SLA: variants seen among roughly 807,000 people sequenced by gnomAD.
SLA encodes the protein Src like adaptor.
A neutral mutation model predicts 30.3 loss-of-function variants in SLA; 16 were observed. The observed-to-expected ratio is 0.53, with a 90% CI of 0.36 to 0.80. SLA has a LOEUF of 0.80. Among genes scored for constraint, SLA ranks in the 30% least tolerant of loss-of-function variants. The probability of loss-of-function intolerance (pLI) is 0.01; values close to 1 mark genes in which losing one functional copy is unlikely to be tolerated. For missense variants in SLA, 310 were observed against 345.2 expected, an observed-to-expected ratio of 0.90 and a Z score of 0.81; for synonymous variants, 143 against 137.8, an observed-to-expected ratio of 1.04 and a Z score of -0.26.
intron 1 of SLA, among the ~76,000 whole-genome samples, chr8:133,077,499 G>A (rs915188577): frequency 1.3e-5 from 2 of 152,162 alleles, no homozygotes; most frequent in African/African-American, 4.8e-5. Context: ...AACTTAGTAG[G>A]TTTGAGAAAG....
intron 7 of SLA, among the ~76,000 whole-genome samples, chr8:133,041,025 A>G (rs1452555393): frequency 6.6e-6 from 1 of 152,186 alleles, no homozygotes; most frequent in Non-Finnish European, 1.5e-5. Flanking sequence ...GCTTCTCCCT[A>G]GCCCATGTTA....
intron 2 of SLA, among the ~76,000 whole-genome samples, chr8:133,060,696 A>G (rs1371983382): frequency 6.6e-6 from 1 of 152,220 alleles, no homozygotes; most frequent in Non-Finnish European, 1.5e-5. Context: ...TTAACAAAGG[A>G]TGAAAGAGGA....
At chr8:133,062,108 G>A (rs533509746) in intron 2 of SLA, among the ~76,000 whole-genome samples, 2 of 152,338 alleles carry the variant, frequency 1.3e-5, no homozygotes, top group South Asian at 2.1e-4. Context: ...AAAGTGAAGC[G>A]CAAATCCCAT....
intron 2 of SLA, among the ~76,000 whole-genome samples, chr8:133,063,154 A>G (rs953501943): frequency 6.6e-6 from 1 of 151,176 alleles, no homozygotes; most frequent in Non-Finnish European, 1.5e-5. Context: ...AACTGTCCCA[A>G]CAATGCCTTC....
At chr8:133,093,982 G>A (rs1464582675) in intron 1 of SLA, among the ~76,000 whole-genome samples, 2 of 152,122 alleles carry the variant, frequency 1.3e-5, no homozygotes, top group African/African-American at 2.4e-5. Flanking sequence ...GCAGTAGCAG[G>A]GGTAAGAGCA....
chr8:133,087,344 T>A (rs1846755276), intron 1 of SLA, among the ~76,000 whole-genome samples: 1 of 152,172 alleles, frequency 6.6e-6, no homozygotes, highest in African/African-American at 2.4e-5. Flanking sequence ...TTTTCTAGAG[T>A]ATGAAAAGGA....
chr8:133,083,202 T>G (rs1306772304), intron 1 of SLA, among the ~76,000 whole-genome samples: 1 of 152,228 alleles, frequency 6.6e-6, no homozygotes, highest in Non-Finnish European at 1.5e-5. Context: ...TATCATTATT[T>G]ATTATTGGTA....
At chr8:133,096,175 G>C (rs767266998) in intron 1 of SLA, 1 of 1,613,832 alleles carries the variant, frequency 6.2e-7, no homozygotes, top group Non-Finnish European at 8.5e-7. Context: ...GATTATTCCA[G>C]GACAACTGAT....
rs113184710 is a variant in SLA, at chr8:133,037,638, CT to C, written c.*885del. On this transcript the variant is annotated 3_prime_UTR_variant, in exon 9 of 9. Coordinates refer to ENST00000338087, the MANE Select transcript of SLA (RefSeq NM_001045556.3). ...CTGTTGGGGGTTAGGACTTACGCAT[CT>C]TTTTTTTTTTTTTGGCTTGCCTGAC... The C allele has an allele frequency of 0.15, 21,117 of 143,794 alleles. 1,566 individuals carry two copies. Among genetic ancestry groups the C allele is most frequent in the African/African-American group, 0.21 (8,322 of 39,650 alleles). 8.9% of individuals were successfully genotyped at this position (143,794 alleles called of 1,614,324 possible). A position where few individuals can be genotyped will look rare whatever the true frequency, so the allele number is the denominator to read the frequency against.
chr8:133,096,934 C>G (rs1411491573), intron 1 of SLA, among the ~76,000 whole-genome samples: 1 of 152,194 alleles, frequency 6.6e-6, no homozygotes, highest in Non-Finnish European at 1.5e-5. Context: ...ATGCACAGTT[C>G]CTGCTCTCGC....
At chr8:133,038,916 T>A (rs186701421) in intron 8 of SLA, among the ~76,000 whole-genome samples, 179 bp from the exon 9 acceptor site, 1 of 152,198 alleles carries the variant, frequency 6.6e-6, no homozygotes, top group African/African-American at 2.4e-5. Context: ...CTCGCTCTGT[T>A]GCCCAGGCTG....
At chr8:133,052,037 G>A (rs752969311) in intron 3 of SLA, among the ~76,000 whole-genome samples, 3 of 152,078 alleles carry the variant, frequency 2.0e-5, no homozygotes, top group African/African-American at 7.2e-5. Context: ...TCCCTGGTTC[G>A]CTCACCCCAA....
intron 1 of SLA, among the ~76,000 whole-genome samples, chr8:133,080,344 A>G (rs568353578): frequency 6.6e-6 from 1 of 152,158 alleles, no homozygotes; most frequent in South Asian, 2.1e-4. Context: ...AGAAACTGGC[A>G]CTCATAGGGC....
chr8:133,093,815 T>TC (rs1459445175), intron 1 of SLA, among the ~76,000 whole-genome samples: 2 of 152,152 alleles, frequency 1.3e-5, no homozygotes, highest in African/African-American at 4.8e-5. Flanking sequence ...TGGGGTCAGA[T>TC]CCCAGCCCTG....
intron 7 of SLA, among the ~76,000 whole-genome samples, chr8:133,043,524 G>A (rs1838723778): frequency 6.6e-6 from 1 of 152,172 alleles, no homozygotes; most frequent in Non-Finnish European, 1.5e-5. Context: ...AGGCTATGCT[G>A]AACGCACTAC....
intron 1 of SLA, among the ~76,000 whole-genome samples, chr8:133,100,257 A>T (rs1588097291): frequency 6.6e-6 from 1 of 152,240 alleles, no homozygotes; most frequent in African/African-American, 2.4e-5. Flanking sequence ...TATCAGAAAG[A>T]CCTTGCTTGA....
chr8:133,075,974 T>TATTGCATATAAATATGC (rs1273529343), intron 1 of SLA: 1 of 152,186 alleles, frequency 6.6e-6, no homozygotes, highest in Admixed American at 6.5e-5. Flanking sequence ...TGTTATACAT[T>TATTGCATATAAATATGC]ATGTAAATAT....
chr8:133,064,257 C>T (rs1842778140), intron 2 of SLA: 1 of 152,208 alleles, frequency 6.6e-6, no homozygotes, highest in African/African-American at 2.4e-5. Context: ...GCAATCAAGA[C>T]TCAATGGTTT....
intron 3 of SLA, among the ~76,000 whole-genome samples, chr8:133,053,250 G>A (rs1253862549): frequency 6.6e-6 from 1 of 152,078 alleles, no homozygotes; most frequent in Non-Finnish European, 1.5e-5. Flanking sequence ...GTTACCCCAG[G>A]TTGCATTTTC....
Sources: gnomAD v4.1 joint callset for allele counts (sites outside exome capture counted in the v4.1 genomes callset) on GRCh38, gnomAD v4.1.1 for gene constraint, MANE v1.5 for transcripts, NCBI Gene and HGNC (gene_info 2026-07-23, HGNC 2026-07-21) for gene names.